Variants in FBXL17 observed in about 807,000 individuals in gnomAD.
The protein encoded by FBXL17 is F-box and leucine rich repeat protein 17.
A neutral mutation model predicts 66.2 loss-of-function variants in FBXL17; 22 were observed. The ratio of observed to expected loss-of-function variants is 0.33; its 90% CI spans 0.24 to 0.47. The LOEUF is 0.47. Ranked by LOEUF, FBXL17 falls within the 20% of genes least tolerant of loss-of-function variation. FBXL17 has a pLI of 1.00. For missense variants in FBXL17, 878 were observed against 948.2 expected (o/e 0.93, Z 0.97); for synonymous variants, 474 against 400.5 (o/e 1.18, Z -2.19).
chr5:108,038,615 T>C (rs890837320), intron 6 of FBXL17, among the ~76,000 whole-genome samples: 3 of 152,120 alleles, frequency 2.0e-5, no homozygotes, highest in Admixed American at 6.5e-5. Context: ...TTTGTTACTT[T>C]ACTTGAGCAA....
At chr5:108,209,623 C>G (rs1487436126) in intron 5 of FBXL17, among the ~76,000 whole-genome samples, 1 of 152,104 alleles carries the variant, frequency 6.6e-6, no homozygotes, top group Non-Finnish European at 1.5e-5. Context: ...TATTGATTTT[C>G]TTATGTTGAA....
rs145058949 is a variant in FBXL17, at chr5:108,044,665, T to A, written c.1746-23664A>T. Among the ~76,000 whole-genome samples the A allele has an allele frequency of 4.8e-3, 729 of 152,324 alleles. 4 individuals carry two copies. The highest frequency in any genetic ancestry group is 0.017 in the African/African-American group (706 of 41,574). On this transcript the variant is annotated intron_variant, in intron 6 of 8. Coordinates refer to ENST00000542267, the MANE Select transcript of FBXL17 (RefSeq NM_001163315.3). ...TAACTTTATAAAATGAATTGGGAAA[T>A]GTTTCCTTCTGTTCTAGTTTCTGGA...
chr5:108,246,822 AATTTC>A (rs1416700552), intron 4 of FBXL17, among the ~76,000 whole-genome samples: 3 of 152,338 alleles, frequency 2.0e-5, no homozygotes, highest in Admixed American at 6.5e-5. Flanking sequence ...AAATTTTCAG[AATTTC>A]ATTTAAGAAA....
chr5:107,959,381 A>ACACAC (rs1408193253), intron 7 of FBXL17, among the ~76,000 whole-genome samples: 1 of 147,886 alleles, frequency 6.8e-6, no homozygotes, highest in African/African-American at 2.5e-5. Context: ...GGCTGCTATA[A>ACACAC]ACACACACAC....
chr5:107,972,380 A>C (rs1044284291), intron 7 of FBXL17, among the ~76,000 whole-genome samples: 4 of 152,150 alleles, frequency 2.6e-5, no homozygotes, highest in Non-Finnish European at 5.9e-5. Flanking sequence ...TTTCCTCAAG[A>C]GGTTGTCTGG....
At chr5:107,925,454 T>C (rs992720786) in intron 7 of FBXL17, among the ~76,000 whole-genome samples, 3 of 152,218 alleles carry the variant, frequency 2.0e-5, no homozygotes, top group African/African-American at 7.2e-5. Context: ...TGGCTTCCTG[T>C]TGCACGTACC....
At chr5:108,299,227 T>G (rs1448758739) in intron 4 of FBXL17, 2 of 985,098 alleles carry the variant, frequency 2.0e-6, no homozygotes, top group African/African-American at 3.5e-5. Flanking sequence ...ACATACAGGA[T>G]AAATTCCCAA....
chr5:107,893,232 A>C (rs780466900), intron 7 of FBXL17, among the ~76,000 whole-genome samples: 2 of 152,220 alleles, frequency 1.3e-5, no homozygotes, highest in African/African-American at 4.8e-5. Flanking sequence ...TAGAATAAAC[A>C]GGATGGATGC....
At chr5:108,287,132 T>A (rs1757930354) in intron 4 of FBXL17, among the ~76,000 whole-genome samples, 1 of 151,986 alleles carries the variant, frequency 6.6e-6, no homozygotes, top group South Asian at 2.1e-4. Flanking sequence ...CGAGATAAAT[T>A]AAAGACTTAA....
At chr5:108,054,879 C>G (rs1356850905) in intron 6 of FBXL17, among the ~76,000 whole-genome samples, 3 of 152,056 alleles carry the variant, frequency 2.0e-5, no homozygotes, top group Non-Finnish European at 4.4e-5. Flanking sequence ...GTTAGTCTGC[C>G]TCTTCTCTTC....
At chr5:108,021,706 G>C (rs1407064935) in intron 6 of FBXL17, among the ~76,000 whole-genome samples, 1 of 151,570 alleles carries the variant, frequency 6.6e-6, no homozygotes, top group East Asian at 1.9e-4. Context: ...GTTGTATACA[G>C]ATTCGAATGA....
chr5:108,378,294 T>A (rs73781344), intron 1 of FBXL17, among the ~76,000 whole-genome samples: 7,863 of 151,762 alleles, frequency 0.052, 692 homozygotes, highest in African/African-American at 0.18. Context: ...CATCCTCACA[T>A]TTCTCTCCCA....
intron 4 of FBXL17, among the ~76,000 whole-genome samples, chr5:108,276,459 T>TTA (rs1235202033): frequency 2.0e-5 from 3 of 152,172 alleles, no homozygotes; most frequent in Admixed American, 2.0e-4. Flanking sequence ...TATTCAGTCC[T>TTA]TTTAGCAATG....
chr5:108,216,800 CG>C (rs1213998246), intron 5 of FBXL17, among the ~76,000 whole-genome samples: 1 of 152,060 alleles, frequency 6.6e-6, no homozygotes, highest in Non-Finnish European at 1.5e-5. Flanking sequence ...GGAACTAGCA[CG>C]GGGTGTTATA....
At chr5:108,016,092 T>C (rs75479343) in intron 7 of FBXL17, among the ~76,000 whole-genome samples, 3 of 152,184 alleles carry the variant, frequency 2.0e-5, no homozygotes, top group Admixed American at 2.0e-4. Context: ...TTTTTTATCA[T>C]GTCTGACATA....
At chr5:108,158,246 G>A (rs886899631) in intron 6 of FBXL17, among the ~76,000 whole-genome samples, 1 of 151,986 alleles carries the variant, frequency 6.6e-6, no homozygotes, top group African/African-American at 2.4e-5. Flanking sequence ...ATATTAAAGT[G>A]TACAAAAAGT....
In FBXL17 at chr5:108,381,810, G is replaced by GCA. The variant is rs1184464951; in HGVS notation, c.-121_-120dup. ...CCCCCGGAGGGGTCGCCCTTCCTGC[G>GCA]CACACACACGCACACACGGGCACAC... On this transcript the variant is annotated 5_prime_UTR_variant, in exon 1 of 9. Transcript: ENST00000542267. 7.5e-7 allele frequency: 1 copy of GCA among 1,335,936 alleles called. No individual in the cohort carries two copies. The highest frequency in any genetic ancestry group is 9.6e-7 in the Non-Finnish European group (1 of 1,046,386). 82.8% of individuals were successfully genotyped at this position (1,335,936 alleles called of 1,614,324 possible).
At chr5:107,879,415 A>C in intron 8 of FBXL17, 1 of 985,420 alleles carries the variant, frequency 1.0e-6, no homozygotes, top group Non-Finnish European at 1.2e-6. Context: ...CAGCGGCATT[A>C]GGTTGGTTAG....
chr5:108,086,769 C>T (rs774672642), intron 6 of FBXL17, among the ~76,000 whole-genome samples: 32 of 152,140 alleles, frequency 2.1e-4, no homozygotes, highest in Non-Finnish European at 2.9e-5. Context: ...CCATGTTTGC[C>T]AGGCTGGTCT....
Sources: allele counts gnomAD v4.1 joint callset (sites outside exome capture counted in the v4.1 genomes callset), GRCh38; gene constraint gnomAD v4.1.1; transcripts MANE v1.5; gene names NCBI Gene and HGNC (gene_info 2026-07-23, HGNC 2026-07-21).